The following PRR16 variants were observed in gnomAD, a reference collection of about 807,000 sequenced individuals.
PRR16 encodes the protein proline rich 16, also known as protein Largen.
In PRR16, 6 loss-of-function variants were observed where a neutral mutation model predicts 18.2. The observed-to-expected ratio is 0.33, with a 90% CI of 0.18 to 0.65. PRR16 has a LOEUF of 0.65. Ranked by LOEUF, PRR16 falls within the 30% of genes least tolerant of loss-of-function variation. The probability of loss-of-function intolerance (pLI) is 0.74; values close to 1 mark genes in which losing one functional copy is unlikely to be tolerated. For synonymous variants in PRR16, 151 were observed against 147.8 expected, an observed-to-expected ratio of 1.02 and a Z score of -0.16; for missense variants, 412 against 376.6, an observed-to-expected ratio of 1.09 and a Z score of -0.78.
intron 1 of PRR16, among the ~76,000 whole-genome samples, chr5:120,676,464 A>G (rs981676893): frequency 3.3e-5 from 5 of 151,842 alleles, no homozygotes; most frequent in South Asian, 2.1e-4. Flanking sequence ...TGGGTCTCTA[A>G]CAACATCAAG....
chr5:120,742,310 G>GTTTTTTTT, the PRR16 span, among the ~76,000 whole-genome samples: 1 of 137,412 alleles, frequency 7.3e-6, no homozygotes, highest in Non-Finnish European at 1.6e-5. Context: ...GTCTTTTATA[G>GTTTTTTTT]TTTAGATGTC....
At chr5:120,665,846 T>C (rs1358200661) in intron 1 of PRR16, among the ~76,000 whole-genome samples, 1 of 152,160 alleles carries the variant, frequency 6.6e-6, no homozygotes, top group South Asian at 2.1e-4. Flanking sequence ...TACCATGCTG[T>C]TTTGGTTACT....
the PRR16 span, among the ~76,000 whole-genome samples, chr5:120,761,765 G>A: frequency 6.6e-6 from 1 of 151,884 alleles, no homozygotes; most frequent in African/African-American, 2.4e-5. Flanking sequence ...ACAATATATT[G>A]TTGTTAACAA....
At chr5:120,622,472 A>G (rs919874826) in intron 1 of PRR16, among the ~76,000 whole-genome samples, 2 of 151,210 alleles carry the variant, frequency 1.3e-5, no homozygotes, top group African/African-American at 2.4e-5. Context: ...TTATTTATTT[A>G]TTTTATATTT....
the PRR16 span, among the ~76,000 whole-genome samples, chr5:120,765,334 T>C: frequency 6.6e-6 from 1 of 152,156 alleles, no homozygotes; most frequent in South Asian, 2.1e-4. Flanking sequence ...GATTCAAATG[T>C]CCCTTGGAAG....
chr5:120,655,386 T>A (rs1254120290), intron 1 of PRR16, among the ~76,000 whole-genome samples: 15 of 88,172 alleles, frequency 1.7e-4, no homozygotes, highest in African/African-American at 5.1e-4. Flanking sequence ...TTTTTTTTTT[T>A]TTAAAAAAAA....
At chr5:120,556,562 C>T (rs1453869272) in intron 1 of PRR16, among the ~76,000 whole-genome samples, 3 of 151,918 alleles carry the variant, frequency 2.0e-5, no homozygotes, top group Non-Finnish European at 2.9e-5. Flanking sequence ...CTCATTTATA[C>T]TACCACCAAT....
chr5:120,791,521 A>C, the PRR16 span, among the ~76,000 whole-genome samples: 1 of 151,970 alleles, frequency 6.6e-6, no homozygotes, highest in Non-Finnish European at 1.5e-5. Flanking sequence ...AGATTAAAAA[A>C]AAAGGTCACT....
At chr5:120,776,289 A>G in the PRR16 span, among the ~76,000 whole-genome samples, 1 of 152,140 alleles carries the variant, frequency 6.6e-6, no homozygotes, top group African/African-American at 2.4e-5. Context: ...CATCATTCTT[A>G]TATTTCTGCT....
intron 1 of PRR16, among the ~76,000 whole-genome samples, chr5:120,637,955 C>G (rs1450184578): frequency 6.6e-6 from 1 of 152,098 alleles, no homozygotes; most frequent in Non-Finnish European, 1.5e-5. Context: ...ATCTGAAATG[C>G]TTGAGACTAG....
chr5:120,617,741 T>A (rs996610157), intron 1 of PRR16, among the ~76,000 whole-genome samples: 3 of 152,170 alleles, frequency 2.0e-5, no homozygotes, highest in African/African-American at 7.2e-5. Context: ...TAGTCTTTTT[T>A]TAAAGATTGG....
At chr5:120,752,022 G>C in the PRR16 span, among the ~76,000 whole-genome samples, 2 of 151,984 alleles carry the variant, frequency 1.3e-5, no homozygotes, top group African/African-American at 4.8e-5. Flanking sequence ...GAAGAAGCTT[G>C]TGGTATCTTA....
intron 1 of PRR16, among the ~76,000 whole-genome samples, chr5:120,504,453 A>G (rs1750574061): frequency 6.6e-6 from 1 of 152,222 alleles, no homozygotes; most frequent in African/African-American, 2.4e-5. Context: ...GTGGGGATAT[A>G]TCTAAAGTCT....
intron 1 of PRR16, among the ~76,000 whole-genome samples, chr5:120,465,181 G>A (rs182888205): frequency 1.3e-5 from 2 of 152,280 alleles, no homozygotes; most frequent in Admixed American, 1.3e-4. Flanking sequence ...CCTCGCTGTA[G>A]GGAAGGCGAC....
At chr5:120,722,708 C>G in the PRR16 span, among the ~76,000 whole-genome samples, 14 of 151,986 alleles carry the variant, frequency 9.2e-5, no homozygotes, top group African/African-American at 3.4e-4. Flanking sequence ...AGATTATGAA[C>G]TCTAGAGCAG....
chr5:120,662,289 A>G (rs1756198601), intron 1 of PRR16, among the ~76,000 whole-genome samples: 1 of 152,136 alleles, frequency 6.6e-6, no homozygotes, highest in Admixed American at 6.6e-5. Context: ...TGGAAATGTT[A>G]GGAACAGGTC....
chr5:120,513,099 C>T (rs1237322513), intron 1 of PRR16, among the ~76,000 whole-genome samples: 1 of 152,042 alleles, frequency 6.6e-6, no homozygotes, highest in Non-Finnish European at 1.5e-5. Context: ...AGTAATACAG[C>T]CAAGTGATGG....
chr5:120,666,388 A>G (rs2150142410), intron 1 of PRR16, among the ~76,000 whole-genome samples: 1 of 152,168 alleles, frequency 6.6e-6, no homozygotes, highest in African/African-American at 2.4e-5. Context: ...TAGATATACA[A>G]TCATGTCATC....
chr5:120,707,624 A>G, the PRR16 span, among the ~76,000 whole-genome samples: 1 of 152,228 alleles, frequency 6.6e-6, no homozygotes, highest in South Asian at 2.1e-4. Flanking sequence ...TACAGACAGC[A>G]CATGAGTCTC....
Sources: gnomAD v4.1 joint callset for allele counts (sites outside exome capture counted in the v4.1 genomes callset) on GRCh38, gnomAD v4.1.1 for gene constraint, MANE v1.5 for transcripts, NCBI Gene and HGNC (gene_info 2026-07-23, HGNC 2026-07-21) for gene names.